Variants in XIRP2 observed in about 807,000 individuals in gnomAD.
XIRP2 encodes xin actin-binding repeat-containing protein 2.
A neutral mutation model predicts 277.0 loss-of-function variants in XIRP2; 236 were observed. The observed-to-expected ratio is 0.85, with a 90% CI of 0.77 to 0.95. The LOEUF (loss-of-function observed/expected upper bound fraction) is 0.95. Among genes scored for constraint, XIRP2 ranks in the 40% least tolerant of loss-of-function variants. The probability of loss-of-function intolerance (pLI) is 0.00; values close to 1 mark genes in which losing one functional copy is unlikely to be tolerated. For synonymous variants in XIRP2, 1,490 were observed against 1,416.5 expected (o/e 1.05, Z -1.17); for missense variants, 4,640 against 4,157.5 (o/e 1.12, Z -3.19).
chr2:167,163,070 A>G (rs188449050), intron 3 of XIRP2, among the ~76,000 whole-genome samples: 45 of 152,214 alleles, frequency 3.0e-4, no homozygotes, highest in Non-Finnish European at 6.0e-4. Flanking sequence ...TGATACATTC[A>G]TTATCTTCTT....
intron 2 of XIRP2, among the ~76,000 whole-genome samples, chr2:166,998,362 G>T (rs1687279887): frequency 6.6e-6 from 1 of 152,146 alleles, no homozygotes; most frequent in South Asian, 2.1e-4. Context: ...ACTCGGCCAG[G>T]AGCAGTGGCT....
chr2:167,141,932 G>C (rs16853024), intron 3 of XIRP2, among the ~76,000 whole-genome samples: 15,693 of 152,128 alleles, frequency 0.1, 900 homozygotes, highest in South Asian at 0.15. Context: ...CCTAAGGTTT[G>C]AGGCAGAATA....
intron 2 of XIRP2, among the ~76,000 whole-genome samples, chr2:166,937,245 T>C (rs954221785): frequency 6.6e-6 from 1 of 152,236 alleles, no homozygotes; most frequent in African/African-American, 2.4e-5. Flanking sequence ...ATAGCTCTTA[T>C]TATTTTGAGA....
intron 2 of XIRP2, among the ~76,000 whole-genome samples, chr2:166,932,094 T>C (rs1470435514): frequency 1.3e-5 from 2 of 152,190 alleles, no homozygotes; most frequent in African/African-American, 2.4e-5. Context: ...TTGTCCATCA[T>C]ATTAAATTGG....
chr2:166,939,058 A>T (rs149719737), intron 2 of XIRP2, among the ~76,000 whole-genome samples: 2 of 152,060 alleles, frequency 1.3e-5, no homozygotes, highest in African/African-American at 2.4e-5. Flanking sequence ...TTGCCAGTCT[A>T]TGTCTTTCAA....
chr2:167,054,085 T>C (rs1035496718), intron 2 of XIRP2, among the ~76,000 whole-genome samples: 3 of 152,210 alleles, frequency 2.0e-5, no homozygotes, highest in African/African-American at 7.2e-5. Flanking sequence ...AATTCTATCA[T>C]GGTGAAACCT....
chr2:167,168,707 C>T (rs928990069), intron 3 of XIRP2, among the ~76,000 whole-genome samples: 3 of 152,168 alleles, frequency 2.0e-5, no homozygotes, highest in Admixed American at 6.5e-5. Context: ...CTCCGCCTCC[C>T]GGGTTCACAC....
At chr2:167,204,291 T>C (rs2105381759) in intron 3 of XIRP2, among the ~76,000 whole-genome samples, 1 of 152,362 alleles carries the variant, frequency 6.6e-6, no homozygotes, top group Non-Finnish European at 1.5e-5. Flanking sequence ...GGGAATATTA[T>C]GGATATTTTT....
intron 2 of XIRP2, among the ~76,000 whole-genome samples, chr2:167,020,326 C>T (rs1460623983): frequency 6.6e-6 from 1 of 151,854 alleles, no homozygotes; most frequent in Non-Finnish European, 1.5e-5. Context: ...ATTAAACATT[C>T]AAATAATAGT....
chr2:167,108,560 G>A (rs949997419), intron 2 of XIRP2, among the ~76,000 whole-genome samples: 1 of 151,902 alleles, frequency 6.6e-6, no homozygotes, highest in African/African-American at 2.4e-5. Flanking sequence ...TCAGTTGAAT[G>A]TATTTTTTAA....
chr2:167,050,812 T>A (rs78046088), intron 2 of XIRP2, among the ~76,000 whole-genome samples: 2 of 54,212 alleles, frequency 3.7e-5, no homozygotes, highest in African/African-American at 3.1e-4. Flanking sequence ...TGCTGGCACA[T>A]TTTTTTTTTT....
intron 2 of XIRP2, among the ~76,000 whole-genome samples, chr2:167,084,905 T>A (rs537722723): frequency 0.029 from 4,409 of 151,502 alleles, 85 homozygotes; most frequent in Non-Finnish European, 0.043. Flanking sequence ...CCTGGATTCA[T>A]TAATTTTTTG....
chr2:167,079,162 A>C (rs550615748), intron 2 of XIRP2, among the ~76,000 whole-genome samples: 1 of 152,302 alleles, frequency 6.6e-6, no homozygotes, highest in African/African-American at 2.4e-5. Context: ...AATCACACGT[A>C]TTGATTTGCA....
chr2:167,094,782 A>AT (rs1690249026), intron 2 of XIRP2, among the ~76,000 whole-genome samples: 2 of 152,040 alleles, frequency 1.3e-5, no homozygotes, highest in African/African-American at 4.8e-5. Context: ...TTTGCTTAGG[A>AT]TTGTCTTGGC....
intron 3 of XIRP2, among the ~76,000 whole-genome samples, chr2:167,173,698 G>A (rs1412838979): frequency 1.3e-5 from 2 of 152,168 alleles, no homozygotes; most frequent in East Asian, 1.9e-4. Context: ...GGTTTTTGAG[G>A]AACCCCAAAC....
In XIRP2 at chr2:167,258,516, A is replaced by ATGGT; in HGVS notation, c.*700_*701insGGTT. 1 of 1,613,166 alleles carries ATGGT rather than the reference A, an allele frequency of 6.2e-7. No homozygotes were observed. Among genetic ancestry groups the ATGGT allele is most frequent in the Non-Finnish European group, 8.5e-7 (1 of 1,179,588 alleles). On this transcript the variant is annotated 3_prime_UTR_variant, in exon 11 of 11. Coordinates refer to ENST00000409195, the MANE Select transcript of XIRP2 (RefSeq NM_152381.6). Reference sequence around the variant, plus strand: ...AAGAGTAACAGGAAAAGTGCTATGGATCTTAATGACAACAATAATGTGATT... The same window carrying ATGGT: ...AAGAGTAACAGGAAAAGTGCTATGGATGGTTCTTAATGACAACAATAATGTGATT...
intron 1 of XIRP2, among the ~76,000 whole-genome samples, chr2:166,891,036 G>A (rs1376351444): frequency 6.6e-6 from 1 of 152,134 alleles, no homozygotes; most frequent in Non-Finnish European, 1.5e-5. Flanking sequence ...TTGGTGTCTT[G>A]TAGCTGCTAT....
In XIRP2 at chr2:167,246,589, G is replaced by T; in HGVS notation, c.5197G>T (p.Ala1733Ser). The T allele has an allele frequency of 6.2e-7, 1 of 1,613,756 alleles. No homozygotes were observed. Residue 1733 changes from alanine (A) to serine (S), a missense_variant, in exon 9 of 11, where the codon GCT becomes TCT. Ala to Ser is a moderately conservative substitution (Grantham distance 99, BLOSUM62 1). Transcript: ENST00000409195. ...ATCAAACAATAAAATATCTGAAAGG[G>T]CTAAAATTGATGCCTCTGAGAGAGG... ...STSNNKISERAKIDASERGNV... is the reference protein window; with the variant it reads ...STSNNKISERSKIDASERGNV...
At chr2:167,199,961 G>T (rs1201530597) in intron 3 of XIRP2, among the ~76,000 whole-genome samples, 1 of 152,162 alleles carries the variant, frequency 6.6e-6, no homozygotes, top group African/African-American at 2.4e-5. Flanking sequence ...TGTCAAAGAG[G>T]TAGCAATTCT....
Sources: allele counts gnomAD v4.1 joint callset (sites outside exome capture counted in the v4.1 genomes callset), GRCh38; gene constraint gnomAD v4.1.1; transcripts MANE v1.5; gene names NCBI Gene and HGNC (gene_info 2026-07-23, HGNC 2026-07-21).